Variants in RFX3 observed in about 807,000 individuals in gnomAD.
The protein encoded by RFX3 is regulatory factor X3.
In RFX3, 14 loss-of-function variants were observed where a neutral mutation model predicts 98.6. That is an observed-to-expected ratio of 0.14 (90% CI 0.09 to 0.22). RFX3 has a LOEUF of 0.22. Among genes scored for constraint, RFX3 ranks in the 10% least tolerant of loss-of-function variants. The probability of loss-of-function intolerance (pLI) is 1.00; values close to 1 mark genes in which losing one functional copy is unlikely to be tolerated. For missense variants in RFX3, 639 were observed against 926.9 expected (o/e 0.69, Z 4.03); for synonymous variants, 383 against 328.4 (o/e 1.17, Z -1.80).
At chr9:3,372,382 C>A (rs1311073548) in intron 2 of RFX3, among the ~76,000 whole-genome samples, 1 of 152,134 alleles carries the variant, frequency 6.6e-6, no homozygotes, top group Non-Finnish European at 1.5e-5. Context: ...CCCTTTCTGT[C>A]TGATTTTCCC....
chr9:3,435,802 TAA>T (rs34925429), intron 1 of RFX3, among the ~76,000 whole-genome samples: 60 of 97,606 alleles, frequency 6.1e-4, no homozygotes, highest in African/African-American at 9.7e-4. Context: ...ATCTGCATTG[TAA>T]AAAAAAAAAA....
chr9:3,316,936 A>C (rs1830680391), intron 4 of RFX3, among the ~76,000 whole-genome samples: 1 of 152,218 alleles, frequency 6.6e-6, no homozygotes, highest in Non-Finnish European at 1.5e-5. Flanking sequence ...GAAAATGGCC[A>C]TACTGCCCAA....
intron 7 of RFX3, among the ~76,000 whole-genome samples, chr9:3,279,246 T>C (rs1825624326): frequency 6.6e-6 from 1 of 151,776 alleles, no homozygotes; most frequent in South Asian, 2.1e-4. Flanking sequence ...TCCTTATTGA[T>C]TCATTCCAAG....
At chr9:3,259,755 C>T (rs1433580381) in intron 13 of RFX3, among the ~76,000 whole-genome samples, 2 of 151,696 alleles carry the variant, frequency 1.3e-5, no homozygotes, top group African/African-American at 4.8e-5. Flanking sequence ...ATCTTAAATG[C>T]ATAAAGAAAA....
chr9:3,385,374 G>A (rs1839595662), intron 2 of RFX3, among the ~76,000 whole-genome samples: 1 of 152,122 alleles, frequency 6.6e-6, no homozygotes, highest in African/African-American at 2.4e-5. Flanking sequence ...ATCAACTAAA[G>A]TAAGTCTATA....
In RFX3 at chr9:3,505,283, C is replaced by A. The variant is rs1321836605; in HGVS notation, c.-9+20464G>T. ...ATATTTATATATATATGAATATATA[C>A]ATTTTTATATTTATATATATATAAA... is the stretch of plus-strand genomic sequence containing the variant. On this transcript the variant is annotated intron_variant, in intron 1 of 16. Coordinates refer to ENST00000617270, the MANE Select transcript of RFX3 (RefSeq NM_001282116.2). Among the ~76,000 whole-genome samples, 373 of 40,690 alleles carry A rather than the reference C, an allele frequency of 9.2e-3. 60 individuals carry two copies. The highest frequency in any genetic ancestry group is 0.056 in the East Asian group (51 of 912). 26.7% of individuals were successfully genotyped at this position (40,690 alleles called of 152,430 possible).
At chr9:3,331,761 A>G (rs1370650844) in intron 3 of RFX3, among the ~76,000 whole-genome samples, 1 of 152,162 alleles carries the variant, frequency 6.6e-6, no homozygotes, top group African/African-American at 2.4e-5. Flanking sequence ...TAGATCAAAG[A>G]CCTTTACCAC....
At position 3,222,079 on chromosome 9, in the gene RFX3, A is replaced by G. The variant is rs1466896990; in HGVS notation, c.*2963T>C. 1.3e-5 allele frequency: 2 copies of G among 152,188 alleles called. No homozygotes were observed. 9.4% of individuals were successfully genotyped at this position (152,188 alleles called of 1,614,324 possible). A position where few individuals can be genotyped will look rare whatever the true frequency, so the allele number is the denominator to read the frequency against. Reference sequence around the variant, plus strand: ...ATAAATGCAATAAATGTGATTGCTCAATTTGCTCAAATGTATAAATTGTTT... The same window carrying G: ...ATAAATGCAATAAATGTGATTGCTCGATTTGCTCAAATGTATAAATTGTTT... On this transcript the variant is annotated 3_prime_UTR_variant, in exon 17 of 17. Transcript: ENST00000617270.
At chr9:3,401,155 C>CCCAACTAATACGTATTTTT (rs1429621084) in intron 1 of RFX3, among the ~76,000 whole-genome samples, 2 of 152,126 alleles carry the variant, frequency 1.3e-5, no homozygotes, top group African/African-American at 2.4e-5. Context: ...GACCATAAAA[C>CCCAACTAATACGTATTTTT]CCAACTAATA....
intron 4 of RFX3, among the ~76,000 whole-genome samples, chr9:3,319,172 C>A (rs1055282200): frequency 2.0e-5 from 3 of 152,194 alleles, no homozygotes; most frequent in African/African-American, 7.2e-5. Context: ...CTAAAACAGG[C>A]TTTTAAAGTG....
chr9:3,405,336 A>G (rs1841858186), intron 1 of RFX3, among the ~76,000 whole-genome samples: 1 of 152,166 alleles, frequency 6.6e-6, no homozygotes, highest in Admixed American at 6.6e-5. Flanking sequence ...CCATATGTGA[A>G]TAATTCCCAA....
intron 1 of RFX3, among the ~76,000 whole-genome samples, chr9:3,510,249 A>T (rs1031069919): frequency 6.6e-6 from 1 of 151,870 alleles, no homozygotes; most frequent in African/African-American, 2.4e-5. Flanking sequence ...ATCACAGGGG[A>T]TTTGAAGTTC....
intron 1 of RFX3, among the ~76,000 whole-genome samples, chr9:3,452,807 T>C (rs1304267966): frequency 2.6e-5 from 4 of 152,230 alleles, no homozygotes; most frequent in East Asian, 3.8e-4. Flanking sequence ...GGGAATACTA[T>C]AGGTTTCTGA....
At chr9:3,405,910 G>A (rs558832271) in intron 1 of RFX3, among the ~76,000 whole-genome samples, 1 of 152,142 alleles carries the variant, frequency 6.6e-6, no homozygotes, top group South Asian at 2.1e-4. Context: ...CCAGCCTTAT[G>A]GAACTACCCA....
intron 2 of RFX3, among the ~76,000 whole-genome samples, chr9:3,383,920 T>C (rs569081678): frequency 4.1e-4 from 62 of 152,162 alleles, no homozygotes; most frequent in African/African-American, 1.5e-3. Flanking sequence ...CAGCCCTGGA[T>C]TTAAAAAAAG....
intron 15 of RFX3, among the ~76,000 whole-genome samples, chr9:3,237,805 G>A (rs637109): frequency 0.77 from 117,122 of 151,970 alleles, 47,869 homozygotes; most frequent in East Asian, 0.97. Context: ...AAATACAGGA[G>A]TGGAGCACAG....
chr9:3,494,208 C>T lies in RFX3; in HGVS notation c.-9+31539G>A, dbSNP rs544095469. On this transcript the variant is annotated intron_variant, in intron 1 of 16. Transcript: ENST00000617270. ...ACAGAGTACCTGGCTGAAAATTCTG[C>T]CTCAATCATATATTTGCATAGACTC... is the stretch of plus-strand genomic sequence containing the variant. Among the ~76,000 whole-genome samples, 7 of 152,194 alleles carry T rather than the reference C, an allele frequency of 4.6e-5. 1 individual carries two copies. In the East Asian group the frequency reaches 7.7e-4, roughly 17 times the overall value.
At chr9:3,289,393 G>A (rs754041488) in intron 6 of RFX3, among the ~76,000 whole-genome samples, 46 of 152,030 alleles carry the variant, frequency 3.0e-4, no homozygotes, top group Non-Finnish European at 5.3e-4. Flanking sequence ...GAAACTTAAC[G>A]CCCGTAAAGA....
In RFX3 at chr9:3,271,137, C is replaced by A. The variant is rs779310964; in HGVS notation, c.1087-19G>T. The stretch of plus-strand genomic sequence containing the variant: ...ATATTGCCTAAAAAACAAAATGGTA[C>A]CAGTATTACCTTACAATATTATTTA... On this transcript the variant is annotated intron_variant, in intron 9 of 16. Coordinates refer to ENST00000617270, the MANE Select transcript of RFX3 (RefSeq NM_001282116.2). 2.0e-5 allele frequency: 32 copies of A among 1,599,718 alleles called. No homozygotes were observed. The South Asian group carries it at 3.5e-4, about 18-fold the overall frequency.
Sources: allele counts gnomAD v4.1 joint callset (sites outside exome capture counted in the v4.1 genomes callset), GRCh38; gene constraint gnomAD v4.1.1; transcripts MANE v1.5; gene names NCBI Gene and HGNC (gene_info 2026-07-23, HGNC 2026-07-21).